The following FER variants were observed in gnomAD, a reference collection of about 807,000 sequenced individuals.
FER encodes tyrosine-protein kinase Fer.
FER carries 63 observed loss-of-function variants against 111.0 expected under a neutral mutation model. The ratio of observed to expected loss-of-function variants is 0.57; its 90% confidence interval spans 0.46 to 0.70. The LOEUF is 0.70. Among genes scored for constraint, FER ranks in the 30% least tolerant of loss-of-function variants. The pLI is 0.00. For missense variants in FER, 914 were observed against 954.0 expected, an observed-to-expected ratio of 0.96 and a Z score of 0.55; for synonymous variants, 327 against 313.9, an observed-to-expected ratio of 1.04 and a Z score of -0.44.
At chr5:109,027,673 A>G (rs1768950562) in intron 13 of FER, among the ~76,000 whole-genome samples, 1 of 152,192 alleles carries the variant, frequency 6.6e-6, no homozygotes, top group Non-Finnish European at 1.5e-5. Flanking sequence ...TTGACATAAT[A>G]AATAATGACC....
chr5:108,924,827 G>T, intron 10 of FER: 2 of 1,223,736 alleles, frequency 1.6e-6, no homozygotes, highest in Non-Finnish European at 2.0e-6. Flanking sequence ...CTTTACCCAG[G>T]GCCCCAGACA....
intron 16 of FER, among the ~76,000 whole-genome samples, chr5:109,077,112 T>G (rs1294469919): frequency 6.6e-6 from 1 of 152,208 alleles, no homozygotes; most frequent in Non-Finnish European, 1.5e-5. Flanking sequence ...ATCAGCTATA[T>G]TATTAAAAGC....
chr5:108,796,090 A>G (rs1561432746), intron 2 of FER, among the ~76,000 whole-genome samples: 1 of 152,166 alleles, frequency 6.6e-6, no homozygotes, highest in Non-Finnish European at 1.5e-5. Flanking sequence ...ATTAGGGGCC[A>G]CTTCAAGCCC....
chr5:109,017,228 G>C (rs1767267082), intron 13 of FER, among the ~76,000 whole-genome samples: 1 of 151,570 alleles, frequency 6.6e-6, no homozygotes, highest in Non-Finnish European at 1.5e-5. Context: ...GCTAATGAGG[G>C]GCTAGGAAAG....
intron 17 of FER, among the ~76,000 whole-genome samples, chr5:109,163,426 G>GA (rs1251669967): frequency 6.6e-6 from 1 of 151,984 alleles, no homozygotes; most frequent in African/African-American, 2.4e-5. Flanking sequence ...GGGTTCTATG[G>GA]AAAAAAATTA....
At chr5:109,051,468 G>A (rs115715653) in intron 16 of FER, 187,853 of 1,603,232 alleles carry the variant, frequency 0.12, 12,117 homozygotes, top group Non-Finnish European at 0.12. Context: ...AAGGCTGTGC[G>A]TGGGAGTTAG....
intron 10 of FER, among the ~76,000 whole-genome samples, chr5:108,930,695 C>T (rs970866107): frequency 6.9e-6 from 1 of 145,592 alleles, no homozygotes; most frequent in Non-Finnish European, 1.5e-5. Flanking sequence ...TTCACTGCAA[C>T]CTCTGTCTCC....
chr5:109,096,307 A>G (rs770231035), intron 16 of FER, among the ~76,000 whole-genome samples: 15 of 152,048 alleles, frequency 9.9e-5, no homozygotes, highest in Non-Finnish European at 2.1e-4. Flanking sequence ...TAATCCTCAA[A>G]GTGACCTTCT....
intron 17 of FER, among the ~76,000 whole-genome samples, chr5:109,159,814 G>T (rs1365397376): frequency 6.6e-6 from 1 of 152,166 alleles, no homozygotes. Flanking sequence ...ACCCTCCCCA[G>T]GCCTCTCATA....
intron 13 of FER, among the ~76,000 whole-genome samples, chr5:109,026,842 C>T (rs1429880627): frequency 6.6e-6 from 1 of 152,042 alleles, no homozygotes; most frequent in Non-Finnish European, 1.5e-5. Context: ...CCATGCGTGG[C>T]TAATTTTTTT....
chr5:109,161,755 C>T lies in FER; in HGVS notation c.2049-18992C>T, dbSNP rs146235004. Among the ~76,000 whole-genome samples, 96 of 152,110 alleles carry T rather than the reference C, an allele frequency of 6.3e-4. 2 individuals carry two copies. The highest frequency in any genetic ancestry group is 2.1e-3 in the African/African-American group (86 of 41,516). On this transcript the variant is annotated intron_variant, in intron 17 of 19. Coordinates refer to ENST00000281092, the MANE Select transcript of FER (RefSeq NM_005246.4). Reference sequence around the variant, plus strand: ...GATTTTATTCCTTTGGGTATATGCCCATTATGGGTATATTAGACCCCAGTG... The same window carrying T: ...GATTTTATTCCTTTGGGTATATGCCTATTATGGGTATATTAGACCCCAGTG...
chr5:108,801,268 C>G (rs1232885255), intron 3 of FER, among the ~76,000 whole-genome samples: 2 of 152,206 alleles, frequency 1.3e-5, no homozygotes, highest in African/African-American at 4.8e-5. Flanking sequence ...AAGCTTTCTC[C>G]ATTGAATTGC....
At chr5:109,051,224 G>A (rs982925539) in intron 16 of FER, 34 of 834,634 alleles carry the variant, frequency 4.1e-5, no homozygotes, top group African/African-American at 3.4e-4. Context: ...CACCTCCACC[G>A]GATCAAAATT....
At chr5:109,177,444 TCTAA>T (rs1757824605) in intron 17 of FER, 1 of 151,838 alleles carries the variant, frequency 6.6e-6, no homozygotes, top group Non-Finnish European at 1.5e-5. Context: ...CAAAAATTTC[TCTAA>T]CTTTTTTTAC....
intron 16 of FER, among the ~76,000 whole-genome samples, chr5:109,050,481 G>A (rs1772636609): frequency 6.6e-6 from 1 of 152,144 alleles, no homozygotes; most frequent in Non-Finnish European, 1.5e-5. Flanking sequence ...ACACATACAA[G>A]TGACTGTTAA....
intron 5 of FER, among the ~76,000 whole-genome samples, chr5:108,856,616 T>G (rs1763033660): frequency 6.6e-6 from 1 of 152,158 alleles, no homozygotes; most frequent in Non-Finnish European, 1.5e-5. Context: ...ATCCAGTATC[T>G]TTTAGGAAGA....
At chr5:109,103,630 G>A (rs937483417) in intron 17 of FER, among the ~76,000 whole-genome samples, 4 of 152,080 alleles carry the variant, frequency 2.6e-5, no homozygotes, top group African/African-American at 4.8e-5. Flanking sequence ...TTTAATCAAC[G>A]GCATTTTATT....
chr5:109,101,257 A>G (rs75004049), intron 17 of FER, among the ~76,000 whole-genome samples: 1,584 of 152,094 alleles, frequency 0.01, 21 homozygotes, highest in African/African-American at 0.036. Context: ...TGGAGAACTG[A>G]TGCAGTTTTT....
intron 13 of FER, among the ~76,000 whole-genome samples, chr5:108,971,636 T>TAAAGGA (rs1316576672): frequency 6.6e-6 from 1 of 152,162 alleles, no homozygotes; most frequent in Non-Finnish European, 1.5e-5. Flanking sequence ...TTAGCATCCT[T>TAAAGGA]TAAATGTAGC....
Sources: gnomAD v4.1 joint callset for allele counts (sites outside exome capture counted in the v4.1 genomes callset) on GRCh38, gnomAD v4.1.1 for gene constraint, MANE v1.5 for transcripts, NCBI Gene and HGNC (gene_info 2026-07-23, HGNC 2026-07-21) for gene names.